BLK: variants seen among roughly 807,000 people sequenced by gnomAD.
BLK encodes BLK proto-oncogene, Src family tyrosine kinase, also known as tyrosine-protein kinase Blk.
A neutral mutation model predicts 61.8 loss-of-function variants in BLK; 64 were observed. The observed-to-expected ratio is 1.03, with a 90% confidence interval of 0.85 to 1.27. The LOEUF (loss-of-function observed/expected upper bound fraction) is 1.27. Among genes scored for constraint, BLK ranks in the 50% most tolerant of loss-of-function variants. The pLI is 0.00. For synonymous variants in BLK, 351 were observed against 272.0 expected, an observed-to-expected ratio of 1.29 and a Z score of -2.86; for missense variants, 853 against 660.5, an observed-to-expected ratio of 1.29 and a Z score of -3.19.
chr8:11,556,340 G>C (rs933633092), intron 8 of BLK: 2 of 414,050 alleles, frequency 4.8e-6, no homozygotes, highest in African/African-American at 2.0e-5. Context: ...TGTGATAGAA[G>C]AGACTCATTA....
chr8:11,495,053 C>T (rs1252200018), intron 1 of BLK, among the ~76,000 whole-genome samples: 1 of 152,156 alleles, frequency 6.6e-6, no homozygotes, highest in South Asian at 2.1e-4. Flanking sequence ...TTGTTTGTTT[C>T]TGAATGAAGT....
At chr8:11,537,856 G>A (rs192957416) in intron 1 of BLK, among the ~76,000 whole-genome samples, 82 of 152,252 alleles carry the variant, frequency 5.4e-4, no homozygotes, top group African/African-American at 1.8e-3. Context: ...CCCCTTGTTT[G>A]ACTGAAGCTG....
intron 1 of BLK, among the ~76,000 whole-genome samples, chr8:11,526,997 ACT>A (rs1799681852): frequency 6.6e-6 from 1 of 152,068 alleles, no homozygotes; most frequent in African/African-American, 2.4e-5. Flanking sequence ...TGGGGGTCAC[ACT>A]CGGCTATCCT....
At chr8:11,560,945 CT>C (rs1563125755) in intron 10 of BLK, 3 of 488,722 alleles carry the variant, frequency 6.1e-6, no homozygotes, top group African/African-American at 5.8e-5. Context: ...CCTGCTCCCC[CT>C]CCCCCTCCTT....
chr8:11,550,337 A>C lies in BLK; in HGVS notation c.472+75A>C. On this transcript the variant is annotated intron_variant, in intron 6 of 12. Transcript: ENST00000259089. ...GGCGCCTCCAGAGGCCTGGCCCTGG[A>C]GTGAGAGGGGAAGGGGTGACTGCCA... 7 of 1,397,984 alleles carry C rather than the reference A, an allele frequency of 5.0e-6. No homozygotes were observed. In the South Asian group the frequency reaches 8.1e-5, roughly 16 times the overall value. The allele number at this position is 1,397,984 out of a possible 1,614,324, so 86.6% of individuals were successfully genotyped here. A position where few individuals can be genotyped will look rare whatever the true frequency, so the allele number is the denominator to read the frequency against.
At chr8:11,540,364 T>C (rs920380179) in intron 1 of BLK, among the ~76,000 whole-genome samples, 4 of 152,236 alleles carry the variant, frequency 2.6e-5, no homozygotes, top group Non-Finnish European at 4.4e-5. Context: ...GTTTGTATGT[T>C]TTTTATTCTG....
At position 11,564,260 on chromosome 8, in the gene BLK, C is replaced by A. The variant is rs765612592; in HGVS notation, c.*152C>A. On this transcript the variant is annotated 3_prime_UTR_variant, in exon 13 of 13. Transcript: ENST00000259089. Reference sequence around the variant, plus strand: ...GCAGAGGCAGCTTCGCAGGGGGTCCCCGGACGGACTCCTTCACCGACTGCA... The same window carrying A: ...GCAGAGGCAGCTTCGCAGGGGGTCCACGGACGGACTCCTTCACCGACTGCA... 9 of 933,092 alleles carry A rather than the reference C, an allele frequency of 9.6e-6. No homozygotes were observed. In the South Asian group the frequency reaches 1.3e-4, roughly 13 times the overall value. 57.8% of individuals were successfully genotyped at this position (933,092 alleles called of 1,614,324 possible).
At chr8:11,517,628 A>T (rs1337396146) in intron 1 of BLK, among the ~76,000 whole-genome samples, 1 of 152,158 alleles carries the variant, frequency 6.6e-6, no homozygotes, top group Non-Finnish European at 1.5e-5. Flanking sequence ...GGTGTGTGGG[A>T]GGAAACAGCA....
chr8:11,536,597 G>A (rs1585376793), intron 1 of BLK, among the ~76,000 whole-genome samples: 1 of 151,966 alleles, frequency 6.6e-6, no homozygotes, highest in South Asian at 2.1e-4. Flanking sequence ...TGGTAGAGAC[G>A]GGGTTTCACC....
In BLK at chr8:11,543,413, T is replaced by C; in HGVS notation, c.123+66T>C. On this transcript the variant is annotated intron_variant, in intron 2 of 12. Coordinates refer to ENST00000259089, the MANE Select transcript of BLK (RefSeq NM_001715.3). ...TTCTCCTATGCCTTAATGTCCAAGT[T>C]TGTAAAATGGGTATAGCAAAAGTGC... The C allele has an allele frequency of 1.9e-6, 3 of 1,596,642 alleles. No homozygotes were observed. In the South Asian group the frequency reaches 3.3e-5, roughly 18 times the overall value.
chr8:11,555,652 A>C, intron 8 of BLK, 168 bp downstream of exon 8: 1 of 1,110,168 alleles, frequency 9.0e-7, no homozygotes, highest in South Asian at 1.4e-5. Context: ...GTGGAGGTGC[A>C]GAGCCGCGTT....
At position 11,564,001 on chromosome 8, in the gene BLK, G is replaced by T; in HGVS notation, c.1411G>T (p.Glu471Ter). 6.2e-7 allele frequency: 1 copy of T among 1,605,608 alleles called. No individual in the cohort carries two copies. The highest frequency in any genetic ancestry group is 1.1e-5 in the South Asian group (1 of 90,908). The part of the protein sequence containing the change: ...PPELYRGVIA[E>*]CWRSRPEERP... ...CGAGCTGTACCGCGGCGTCATCGCC[G>T]AGTGCTGGCGCAGCCGGCCCGAGGA... is the stretch of plus-strand genomic sequence containing the variant. Residue 471 changes from glutamate to a stop codon, truncating the protein, a stop_gained, in exon 13 of 13, where the codon GAG (glutamate) becomes TAG (stop). Transcript: ENST00000259089. LOFTEE classifies it high-confidence loss of function.
rs150630845 is a variant in BLK, at chr8:11,554,860, C to A, written c.590C>A (p.Ser197Ter). 3 of 1,613,764 alleles carry A rather than the reference C, an allele frequency of 1.9e-6. No homozygotes were observed. Among genetic ancestry groups the A allele is most frequent in the Non-Finnish European group, 2.5e-6 (3 of 1,179,954 alleles). ...ATCTCCCCCCGGATCACCTTCCCCT[C>A]GCTCCAGGCCCTGGTGCAGCACTAT... ...YYISPRITFPSLQALVQHYSK... is the reference protein window; with the variant it reads ...YYISPRITFP Residue 197 changes from serine to a stop codon, truncating the protein, a stop_gained, in exon 7 of 13, where the codon TCG becomes TAG. Coordinates refer to ENST00000259089, the MANE Select transcript of BLK (RefSeq NM_001715.3). LOFTEE classifies it high-confidence loss of function.
intron 1 of BLK, among the ~76,000 whole-genome samples, chr8:11,520,749 C>A (rs1032142110): frequency 2.0e-5 from 3 of 151,850 alleles, no homozygotes; most frequent in African/African-American, 7.3e-5. Context: ...CTACACATTT[C>A]GAAAAAAGGC....
At chr8:11,533,690 T>G in intron 1 of BLK, among the ~76,000 whole-genome samples, 1 of 148,760 alleles carries the variant, frequency 6.7e-6, no homozygotes, top group African/African-American at 2.5e-5. Flanking sequence ...AGGGGGAGGA[T>G]CTATCTAGTT....
chr8:11,506,000 C>T (rs530244425), intron 1 of BLK, among the ~76,000 whole-genome samples: 13 of 152,344 alleles, frequency 8.5e-5, no homozygotes, highest in Admixed American at 1.3e-4. Context: ...CTCCTGTCCC[C>T]GCCAGGCATG....
At chr8:11,514,363 C>G (rs1177491205) in intron 1 of BLK, among the ~76,000 whole-genome samples, 1 of 152,248 alleles carries the variant, frequency 6.6e-6, no homozygotes, top group Non-Finnish European at 1.5e-5. Flanking sequence ...TAGTCCCATC[C>G]TAAAGGCAGA....
intron 1 of BLK, among the ~76,000 whole-genome samples, chr8:11,501,727 G>A (rs1387704342): frequency 6.6e-6 from 1 of 152,192 alleles, no homozygotes; most frequent in Non-Finnish European, 1.5e-5. Flanking sequence ...GCCAAGCATT[G>A]GTTGCAGCAG....
intron 6 of BLK, among the ~76,000 whole-genome samples, chr8:11,551,067 C>A (rs1800876425): frequency 6.6e-6 from 1 of 152,120 alleles, no homozygotes; most frequent in Non-Finnish European, 1.5e-5. Context: ...GAAATCCTTC[C>A]TTGCTCTTCT....
Sources: allele counts gnomAD v4.1 joint callset (sites outside exome capture counted in the v4.1 genomes callset), GRCh38; gene constraint gnomAD v4.1.1; transcripts MANE v1.5; gene names NCBI Gene and HGNC (gene_info 2026-07-23, HGNC 2026-07-21).